The following DEPDC1B variants were observed in gnomAD, a reference collection of about 807,000 sequenced individuals.
DEPDC1B encodes DEP domain-containing protein 1B.
In DEPDC1B, 51 loss-of-function variants were observed where a neutral mutation model predicts 66.5. The observed-to-expected ratio is 0.77, with a 90% CI of 0.61 to 0.97. The LOEUF is 0.97. Among genes scored for constraint, DEPDC1B ranks in the 50% least tolerant of loss-of-function variants. The pLI, the probability that DEPDC1B is intolerant of heterozygous loss-of-function variation, is 0.00. For synonymous variants in DEPDC1B, 226 were observed against 223.6 expected, an observed-to-expected ratio of 1.01 and a Z score of -0.10; for missense variants, 552 against 637.1, an observed-to-expected ratio of 0.87 and a Z score of 1.44.
intron 7 of DEPDC1B, among the ~76,000 whole-genome samples, chr5:60,613,828 G>GTGTGTGTA (rs3989094): frequency 0.14 from 20,653 of 144,102 alleles, 1,812 homozygotes; most frequent in Non-Finnish European, 0.18. Flanking sequence ...GTGTGTGTGT[G>GTGTGTGTA]TATACATAAA....
intron 2 of DEPDC1B, among the ~76,000 whole-genome samples, chr5:60,656,395 G>T (rs951234491): frequency 7.2e-5 from 11 of 151,978 alleles, no homozygotes; most frequent in Admixed American, 7.2e-4. Context: ...TGATCTACCC[G>T]CCTCGGCCTC....
chr5:60,669,705 G>C (rs912115309), intron 2 of DEPDC1B, among the ~76,000 whole-genome samples: 1 of 152,114 alleles, frequency 6.6e-6, no homozygotes, highest in Non-Finnish European at 1.5e-5. Context: ...CCAAACTAAG[G>C]AAGGCTTTAA....
chr5:60,644,602 T>C (rs963398823), intron 5 of DEPDC1B, 143 bp downstream of exon 5: 62 of 572,720 alleles, frequency 1.1e-4, no homozygotes, highest in Non-Finnish European at 1.6e-4. Flanking sequence ...TTCCAAACAA[T>C]TTGTTAAAAG....
intron 2 of DEPDC1B, among the ~76,000 whole-genome samples, chr5:60,676,450 C>A (rs190255868): frequency 2.1e-4 from 32 of 152,202 alleles, no homozygotes; most frequent in Admixed American, 1.2e-3. Context: ...AGACTACAGG[C>A]GCATGGCACT....
intron 2 of DEPDC1B, among the ~76,000 whole-genome samples, chr5:60,684,427 C>T (rs1754364570): frequency 2.0e-5 from 3 of 152,062 alleles, no homozygotes; most frequent in Admixed American, 2.0e-4. Flanking sequence ...GAAAAAAGAA[C>T]TCAGAAATAA....
chr5:60,682,531 T>G (rs1055490680), intron 2 of DEPDC1B, among the ~76,000 whole-genome samples: 3 of 151,616 alleles, frequency 2.0e-5, no homozygotes, highest in Admixed American at 2.0e-4. Context: ...AAATAAAAAT[T>G]AAAAAATAAA....
chr5:60,653,965 T>A (rs1461876044), intron 2 of DEPDC1B, among the ~76,000 whole-genome samples: 1 of 149,348 alleles, frequency 6.7e-6, no homozygotes, highest in Non-Finnish European at 1.5e-5. Flanking sequence ...TTGCTCTATG[T>A]GCCTATTTTC....
At chr5:60,645,455 A>G (rs748016377) in intron 4 of DEPDC1B, 37 bp downstream of exon 4, 2 of 1,531,514 alleles carry the variant, frequency 1.3e-6, no homozygotes, top group Middle Eastern at 1.7e-4. Flanking sequence ...AGGAAACAAT[A>G]TCTCTAAAAT....
intron 6 of DEPDC1B, 97 bp from the exon 7 acceptor site, chr5:60,638,987 A>G: frequency 5.0e-6 from 7 of 1,395,370 alleles, no homozygotes; most frequent in Non-Finnish European, 6.8e-6. Context: ...AGATATTCAG[A>G]TATTTGACAT....
chr5:60,645,251 C>A (rs1419669232), intron 4 of DEPDC1B, among the ~76,000 whole-genome samples: 1 of 152,050 alleles, frequency 6.6e-6, no homozygotes, highest in African/African-American at 2.4e-5. Context: ...ATCTAGGAGA[C>A]CAAATTTTCT....
At chr5:60,635,507 C>T (rs1256271511) in intron 7 of DEPDC1B, among the ~76,000 whole-genome samples, 1 of 152,164 alleles carries the variant, frequency 6.6e-6, no homozygotes, top group South Asian at 2.1e-4. Context: ...CAGCAAAGAG[C>T]TATTATCTCA....
intron 6 of DEPDC1B, among the ~76,000 whole-genome samples, chr5:60,640,795 C>T (rs905737788): frequency 6.6e-6 from 1 of 152,088 alleles, no homozygotes; most frequent in Non-Finnish European, 1.5e-5. Flanking sequence ...CTTTCTGTTC[C>T]CTTTTAGATG....
At chr5:60,688,417 A>T (rs10805370) in intron 1 of DEPDC1B, among the ~76,000 whole-genome samples, 86,321 of 151,898 alleles carry the variant, frequency 0.57, 24,839 homozygotes, top group East Asian at 0.77. Context: ...ATTCTACAAC[A>T]GACCAGCAGG....
intron 2 of DEPDC1B, among the ~76,000 whole-genome samples, chr5:60,659,982 C>A (rs1003293518): frequency 6.6e-6 from 1 of 152,082 alleles, no homozygotes; most frequent in East Asian, 1.9e-4. Flanking sequence ...GAACTGATAA[C>A]CCAGTACTTT....
At chr5:60,696,511 C>T (rs1754657423) in intron 1 of DEPDC1B, among the ~76,000 whole-genome samples, 1 of 152,074 alleles carries the variant, frequency 6.6e-6, no homozygotes, top group South Asian at 2.1e-4. Flanking sequence ...CTACTCTGCT[C>T]AGAAAGAAAA....
intron 4 of DEPDC1B, 83 bp from the exon 5 acceptor site, chr5:60,644,958 T>A: frequency 9.2e-7 from 1 of 1,088,972 alleles, no homozygotes; most frequent in South Asian, 2.0e-5. Flanking sequence ...AAAATCAATC[T>A]TTATAATGCT....
rs891561423 is a variant in DEPDC1B at position 60,647,519 on chromosome 5, G to A, written c.329C>T (p.Ser110Leu). The A allele has an allele frequency of 3.2e-5, 52 of 1,610,806 alleles. No homozygotes were observed. The highest frequency in any genetic ancestry group is 4.1e-5 in the Non-Finnish European group (48 of 1,179,164). The change falls in exon 3 of 11, where the codon TCA becomes TTA. Residue 110 changes from serine (S) to leucine (L), a missense_variant. Coordinates refer to ENST00000265036, the MANE Select transcript of DEPDC1B (RefSeq NM_018369.3). ...NRHLYRFPPS[S>L]PLKPYPKKPP... is the part of the protein sequence containing the mutation. Reference sequence around the variant, plus strand: ...CTTCTTTGGATATGGTTTCAGGGGTGAAGAAGGAGGAAATCTAAAACCCAA... The same window carrying A: ...CTTCTTTGGATATGGTTTCAGGGGTAAAGAAGGAGGAAATCTAAAACCCAA...
At chr5:60,683,861 C>T (rs939934329) in intron 2 of DEPDC1B, among the ~76,000 whole-genome samples, 2 of 151,904 alleles carry the variant, frequency 1.3e-5, no homozygotes, top group African/African-American at 4.8e-5. Flanking sequence ...AGAGAAAATC[C>T]TAAGATGCCA....
At chr5:60,671,802 A>T (rs1754046248) in intron 2 of DEPDC1B, among the ~76,000 whole-genome samples, 1 of 152,168 alleles carries the variant, frequency 6.6e-6, no homozygotes, top group Admixed American at 6.5e-5. Context: ...GTACTTATTT[A>T]TGTGTAATGA....
Sources: gnomAD v4.1 joint callset for allele counts (sites outside exome capture counted in the v4.1 genomes callset) on GRCh38, gnomAD v4.1.1 for gene constraint, MANE v1.5 for transcripts, NCBI Gene and HGNC (gene_info 2026-07-23, HGNC 2026-07-21) for gene names.